ARHGEF38: variants seen among roughly 807,000 people sequenced by gnomAD.
The protein encoded by ARHGEF38 is Rho guanine nucleotide exchange factor (GEF) 38.
A neutral mutation model predicts 79.9 loss-of-function variants in ARHGEF38; 79 were observed. The ratio of observed to expected loss-of-function variants is 0.99; its 90% CI spans 0.82 to 1.19. The LOEUF (loss-of-function observed/expected upper bound fraction) is 1.19, where lower values mean the gene tolerates loss of function less well. ARHGEF38 is among the 50% of genes most tolerant of loss of function. The probability of loss-of-function intolerance (pLI) is 0.00; values close to 1 mark genes in which losing one functional copy is unlikely to be tolerated. For missense variants in ARHGEF38, 962 were observed against 907.2 expected, an observed-to-expected ratio of 1.06 and a Z score of -0.78; for synonymous variants, 366 against 328.3, an observed-to-expected ratio of 1.11 and a Z score of -1.24.
At chr4:105,653,464 AG>A (rs1280756997) in intron 7 of ARHGEF38, among the ~76,000 whole-genome samples, 1 of 151,978 alleles carries the variant, frequency 6.6e-6, no homozygotes, top group African/African-American at 2.4e-5. Flanking sequence ...CTGGGACTAC[AG>A]GTGCACACCA....
At position 105,654,085 on chromosome 4, in the gene ARHGEF38, CAG is replaced by C; in HGVS notation, c.1033_1034del (p.Glu345ArgfsTer5). 2.7e-6 allele frequency: 4 copies of C among 1,507,320 alleles called. No individual in the cohort carries two copies. The highest frequency in any genetic ancestry group is 1.3e-5 in the South Asian group (1 of 78,870). The allele number at this position is 1,507,320 out of a possible 1,614,324, so 93.4% of individuals were successfully genotyped here. A position where few individuals can be genotyped will look rare whatever the true frequency, so the allele number is the denominator to read the frequency against. On this transcript the variant is annotated frameshift_variant, in exon 8 of 14. Transcript: ENST00000420470. LOFTEE classifies it high-confidence loss of function. ...ESQVKDNTFNREEKLFRALEK... is the reference protein window; with the variant it reads ...ESQVKDNTFNXEEKLFRALEK... ...TTTAGGTTAAAGACAATACCTTTAACAGAGAAGAAAAGCTGTTTAGAGCTTTA... is the reference window on the plus strand; with the variant it reads ...TTTAGGTTAAAGACAATACCTTTAACAGAAGAAAAGCTGTTTAGAGCTTTA...
intron 3 of ARHGEF38, among the ~76,000 whole-genome samples, chr4:105,615,041 G>A (rs887096876): frequency 3.3e-5 from 5 of 152,204 alleles, no homozygotes; most frequent in African/African-American, 9.6e-5. Flanking sequence ...CAACAATAGG[G>A]TCCATGTTGA....
chr4:105,624,871 C>T (rs1318409618), intron 3 of ARHGEF38, among the ~76,000 whole-genome samples: 3 of 152,172 alleles, frequency 2.0e-5, no homozygotes, highest in Non-Finnish European at 2.9e-5. Context: ...ATGGAGCTTT[C>T]GCTCAGCTGT....
At chr4:105,577,418 A>G (rs533031289) in intron 1 of ARHGEF38, among the ~76,000 whole-genome samples, 1 of 151,676 alleles carries the variant, frequency 6.6e-6, no homozygotes, top group Non-Finnish European at 1.5e-5. Context: ...TATCAGAGTG[A>G]TGCTGGCTTC....
At chr4:105,640,496 G>A (rs542938557) in intron 5 of ARHGEF38, among the ~76,000 whole-genome samples, 2 of 152,114 alleles carry the variant, frequency 1.3e-5, no homozygotes, top group Admixed American at 6.5e-5. Flanking sequence ...CTCCCCAAAA[G>A]AGCCCCTTCC....
At chr4:105,569,089 A>G (rs1311375270) in intron 1 of ARHGEF38, among the ~76,000 whole-genome samples, 1 of 152,238 alleles carries the variant, frequency 6.6e-6, no homozygotes, top group Non-Finnish European at 1.5e-5. Context: ...ACAATGACTT[A>G]GAATTTTACA....
At chr4:105,613,113 A>G (rs1325737686) in intron 2 of ARHGEF38, among the ~76,000 whole-genome samples, 1 of 152,178 alleles carries the variant, frequency 6.6e-6, no homozygotes, top group Non-Finnish European at 1.5e-5. Context: ...ATTAGGCCCA[A>G]ATCTTCCCAT....
At chr4:105,563,067 G>C (rs1377314417) in intron 1 of ARHGEF38, among the ~76,000 whole-genome samples, 1 of 152,108 alleles carries the variant, frequency 6.6e-6, no homozygotes, top group African/African-American at 2.4e-5. Flanking sequence ...TTTCATCTGA[G>C]ATAATTCCTA....
chr4:105,659,591 G>A (rs1730480795), intron 10 of ARHGEF38, among the ~76,000 whole-genome samples: 1 of 152,176 alleles, frequency 6.6e-6, no homozygotes, highest in African/African-American at 2.4e-5. Context: ...TTACACATTT[G>A]TAATTCTTTT....
chr4:105,679,281 T>TC lies in ARHGEF38; in HGVS notation c.*1346dup. Reference sequence around the variant, plus strand: ...GGTAATTTAGCTGGCACTGAGAGTATCCAGCCGGAATCATGCCACTTTGCC... The same window carrying TC: ...GGTAATTTAGCTGGCACTGAGAGTATCCCAGCCGGAATCATGCCACTTTGCC... On this transcript the variant is annotated 3_prime_UTR_variant, in exon 14 of 14. Coordinates refer to ENST00000420470, the MANE Select transcript of ARHGEF38 (RefSeq NM_001242729.2). 1 of 713,732 alleles carries TC rather than the reference T, an allele frequency of 1.4e-6. No homozygotes were observed. The highest frequency in any genetic ancestry group is 2.5e-6 in the Non-Finnish European group (1 of 399,914). The allele number at this position is 713,732 out of a possible 1,614,324, so 44.2% of individuals were successfully genotyped here.
intron 2 of ARHGEF38, among the ~76,000 whole-genome samples, chr4:105,599,120 T>G (rs913738697): frequency 6.6e-6 from 1 of 152,194 alleles, no homozygotes; most frequent in African/African-American, 2.4e-5. Flanking sequence ...TATTCTAGTA[T>G]GTGAATTTTC....
chr4:105,643,843 A>G (rs1037219304), intron 5 of ARHGEF38, among the ~76,000 whole-genome samples: 28 of 149,766 alleles, frequency 1.9e-4, no homozygotes, highest in Admixed American at 9.3e-4. Context: ...AAATGAATTG[A>G]ATTAGATGGT....
chr4:105,582,918 A>G (rs77641208), intron 1 of ARHGEF38, among the ~76,000 whole-genome samples: 4,373 of 152,252 alleles, frequency 0.029, 223 homozygotes, highest in African/African-American at 0.098. Context: ...TTTGCCTTAA[A>G]GTCTATTTTA....
At chr4:105,670,246 C>A (rs1578366719) in intron 13 of ARHGEF38, among the ~76,000 whole-genome samples, 2 of 152,140 alleles carry the variant, frequency 1.3e-5, no homozygotes, top group Non-Finnish European at 2.9e-5. Flanking sequence ...AGATTCCTAC[C>A]AGCAAAGTGT....
chr4:105,651,267 T>C (rs6840637), intron 7 of ARHGEF38, among the ~76,000 whole-genome samples: 26 of 152,358 alleles, frequency 1.7e-4, no homozygotes, highest in African/African-American at 5.8e-4. Context: ...AGCATTTTAC[T>C]GTTAATCAGA....
chr4:105,635,453 A>G (rs936245222), intron 4 of ARHGEF38, among the ~76,000 whole-genome samples: 1 of 152,110 alleles, frequency 6.6e-6, no homozygotes, highest in Non-Finnish European at 1.5e-5. Flanking sequence ...AATAGAAAAA[A>G]AAACCCCATG....
At chr4:105,645,408 T>C (rs958336764) in intron 6 of ARHGEF38, 21 bp downstream of exon 6, 3 of 1,488,368 alleles carry the variant, frequency 2.0e-6, no homozygotes, top group South Asian at 1.3e-5. Flanking sequence ...ACATGATGAA[T>C]TGGTTGTTTT....
chr4:105,635,907 G>A (rs1301277956), intron 4 of ARHGEF38, among the ~76,000 whole-genome samples: 1 of 152,024 alleles, frequency 6.6e-6, no homozygotes, highest in Non-Finnish European at 1.5e-5. Flanking sequence ...TAGCATGTCT[G>A]GAGATTGAGG....
At position 105,552,909 on chromosome 4, in the gene ARHGEF38, C is replaced by A. The variant is rs1359104462; in HGVS notation, c.144C>A (p.Gly48=). ...GCAGTGTTTCTGGGGACCACTCTGG[C>A]ACCTTGAGGAGGAGCCAATCTGACA... The part of the protein sequence containing the change: ...VESSVSGDHS[G]TLRRSQSDRT... Residue 48 remains glycine, a synonymous_variant, in exon 1 of 14, where the codon GGC becomes GGA. Coordinates refer to ENST00000420470, the MANE Select transcript of ARHGEF38 (RefSeq NM_001242729.2). The A allele has an allele frequency of 6.2e-7, 1 of 1,613,670 alleles. No homozygotes were observed. Among genetic ancestry groups the A allele is most frequent in the Non-Finnish European group, 8.5e-7 (1 of 1,179,838 alleles).
Sources: gnomAD v4.1 joint callset for allele counts (sites outside exome capture counted in the v4.1 genomes callset) on GRCh38, gnomAD v4.1.1 for gene constraint, MANE v1.5 for transcripts, NCBI Gene and HGNC (gene_info 2026-07-23, HGNC 2026-07-21) for gene names.